The following TEK variants were observed in gnomAD, a reference collection of about 807,000 sequenced individuals.
TEK encodes the protein TEK receptor tyrosine kinase.
In TEK, 43 loss-of-function variants were observed where a neutral mutation model predicts 131.8. That is an observed-to-expected ratio of 0.33 (90% CI 0.26 to 0.42). TEK has a LOEUF of 0.42. Ranked by LOEUF, TEK falls within the 10% of genes least tolerant of loss-of-function variation. The pLI, the probability that TEK is intolerant of heterozygous loss-of-function variation, is 1.00. For synonymous variants in TEK, 580 were observed against 491.6 expected (o/e 1.18, Z -2.38); for missense variants, 1,162 against 1,384.4 (o/e 0.84, Z 2.55).
chr9:27,119,946 C>G (rs1373807498), intron 1 of TEK, among the ~76,000 whole-genome samples: 1 of 152,072 alleles, frequency 6.6e-6, no homozygotes, highest in Non-Finnish European at 1.5e-5. Context: ...AGAAATAGCT[C>G]TCCCCCCATT....
chr9:27,219,612 TAAAATTTAAA>T (rs964472744), intron 20 of TEK, among the ~76,000 whole-genome samples: 3 of 119,148 alleles, frequency 2.5e-5, no homozygotes, highest in African/African-American at 8.9e-5. Flanking sequence ...TCTCAGAACT[TAAAATTTAAA>T]AAACTGTTCT....
intron 20 of TEK, among the ~76,000 whole-genome samples, chr9:27,219,176 C>T (rs1171488882): frequency 6.6e-6 from 1 of 151,998 alleles, no homozygotes; most frequent in Non-Finnish European, 1.5e-5. Context: ...TCATGTATAC[C>T]CTGATCCTAG....
intron 1 of TEK, among the ~76,000 whole-genome samples, chr9:27,124,162 TC>T (rs2131047420): frequency 6.6e-6 from 1 of 152,378 alleles, no homozygotes; most frequent in African/African-American, 2.4e-5. Flanking sequence ...TGAGCTTGCA[TC>T]CCAGCCTTAC....
intron 9 of TEK, among the ~76,000 whole-genome samples, chr9:27,188,315 A>C (rs985752655): frequency 2.6e-5 from 4 of 152,310 alleles, no homozygotes; most frequent in South Asian, 2.1e-4. Flanking sequence ...CCTTGAGCTA[A>C]ATACACTTAA....
At chr9:27,217,929 G>C (rs1274445311) in intron 19 of TEK, among the ~76,000 whole-genome samples, 171 bp downstream of exon 19, 1 of 152,184 alleles carries the variant, frequency 6.6e-6, no homozygotes, top group Non-Finnish European at 1.5e-5. Flanking sequence ...ACAGTTTCCA[G>C]AGGAGTGCAG....
chr9:27,219,997 G>T, intron 20 of TEK, 52 bp from the exon 21 acceptor site: 2 of 1,571,912 alleles, frequency 1.3e-6, no homozygotes, highest in South Asian at 1.1e-5. Flanking sequence ...TGGACAGGAA[G>T]CATTGCTTTT....
chr9:27,214,394 T>C (rs1825742387), intron 18 of TEK, among the ~76,000 whole-genome samples: 1 of 152,176 alleles, frequency 6.6e-6, no homozygotes, highest in Non-Finnish European at 1.5e-5. Context: ...TCTCCCTTTT[T>C]TAGGTCTGAT....
chr9:27,229,409 T>C lies in TEK; in HGVS notation c.*177T>C, dbSNP rs1726712211. 1.4e-6 allele frequency: 1 copy of C among 693,070 alleles called. No individual in the cohort carries two copies. Among genetic ancestry groups the C allele is most frequent in the African/African-American group, 1.8e-5 (1 of 56,814 alleles). The allele number at this position is 693,070 out of a possible 1,614,324, so 42.9% of individuals were successfully genotyped here. A position where few individuals can be genotyped will look rare whatever the true frequency, so the allele number is the denominator to read the frequency against. ...ATGGATCTATGTAGTATGCTCTGAC[T>C]CTAATAGGACTGTATATACTGTTTT... On this transcript the variant is annotated 3_prime_UTR_variant, in exon 23 of 23. Coordinates refer to ENST00000380036, the MANE Select transcript of TEK (RefSeq NM_000459.5).
At chr9:27,143,969 CA>C (rs1822821789) in intron 1 of TEK, among the ~76,000 whole-genome samples, 2 of 152,144 alleles carry the variant, frequency 1.3e-5, no homozygotes, top group Non-Finnish European at 2.9e-5. Context: ...GCAATGCAGA[CA>C]GGGAGTATAG....
At chr9:27,150,831 T>C (rs1331703962) in intron 1 of TEK, among the ~76,000 whole-genome samples, 1 of 151,314 alleles carries the variant, frequency 6.6e-6, no homozygotes, top group South Asian at 2.1e-4. Flanking sequence ...TCATTCTAAC[T>C]AACACATGTG....
chr9:27,171,830 A>G (rs1823970075), intron 4 of TEK, among the ~76,000 whole-genome samples: 1 of 152,176 alleles, frequency 6.6e-6, no homozygotes, highest in Non-Finnish European at 1.5e-5. Flanking sequence ...GAAGCAAGTG[A>G]CATCCCCTTT....
intron 18 of TEK, among the ~76,000 whole-genome samples, chr9:27,215,409 G>C (rs1287121399): frequency 6.6e-6 from 1 of 152,074 alleles, no homozygotes. Flanking sequence ...GAACACAGTG[G>C]CTACCTTCTC....
chr9:27,183,637 C>T (rs771678448), intron 8 of TEK, 27 bp downstream of exon 8: 3 of 1,613,308 alleles, frequency 1.9e-6, no homozygotes, highest in Non-Finnish European at 2.5e-6. Context: ...ATTTGCCCTT[C>T]TTAAAGCATG....
At chr9:27,168,220 C>A (rs1364984181) in intron 2 of TEK, among the ~76,000 whole-genome samples, 1 of 152,158 alleles carries the variant, frequency 6.6e-6, no homozygotes, top group African/African-American at 2.4e-5. Flanking sequence ...GTCCTCATCT[C>A]CCCAACCACT....
intron 21 of TEK, 21 bp downstream of exon 21, chr9:27,220,166 G>A: frequency 1.9e-6 from 3 of 1,611,920 alleles, no homozygotes; most frequent in Non-Finnish European, 2.5e-6. Flanking sequence ...CCTCATCCTG[G>A]GGCTATTTTG....
At chr9:27,124,886 C>T (rs1587484280) in intron 1 of TEK, among the ~76,000 whole-genome samples, 1 of 152,170 alleles carries the variant, frequency 6.6e-6, no homozygotes, top group South Asian at 2.1e-4. Context: ...ACCAGAGTGG[C>T]TATAGGAGGG....
At chr9:27,168,385 A>G (rs1482009872) in intron 2 of TEK, 110 bp from the exon 3 acceptor site, 9 of 806,050 alleles carry the variant, frequency 1.1e-5, no homozygotes, top group Non-Finnish European at 1.7e-5. Flanking sequence ...TCCAAAAACC[A>G]TCTGACACCT....
At chr9:27,122,223 A>C (rs561083008) in intron 1 of TEK, among the ~76,000 whole-genome samples, 1 of 152,162 alleles carries the variant, frequency 6.6e-6, no homozygotes, top group South Asian at 2.1e-4. Context: ...ACTTGAACTC[A>C]AGCAGTTGCA....
intron 14 of TEK, among the ~76,000 whole-genome samples, chr9:27,206,121 A>G (rs1429337323): frequency 6.6e-6 from 1 of 152,224 alleles, no homozygotes; most frequent in African/African-American, 2.4e-5. Context: ...ACTACGAGAG[A>G]GAAAGAGTGT....
Sources: allele counts gnomAD v4.1 joint callset (sites outside exome capture counted in the v4.1 genomes callset), GRCh38; gene constraint gnomAD v4.1.1; transcripts MANE v1.5; gene names NCBI Gene and HGNC (gene_info 2026-07-23, HGNC 2026-07-21).